EXOC4: variants seen among roughly 807,000 people sequenced by gnomAD.
EXOC4 encodes the protein exocyst complex component 4, also known as SEC8-like 1.
In EXOC4, 71 loss-of-function variants were observed where a neutral mutation model predicts 107.2. The ratio of observed to expected loss-of-function variants is 0.66; its 90% confidence interval spans 0.55 to 0.81. The LOEUF (loss-of-function observed/expected upper bound fraction) is 0.81, where lower values mean the gene tolerates loss of function less well. Ranked by LOEUF, EXOC4 falls within the 30% of genes least tolerant of loss-of-function variation. The probability of loss-of-function intolerance (pLI) is 0.00; values close to 1 mark genes in which losing one functional copy is unlikely to be tolerated. For missense variants in EXOC4, 1,108 were observed against 1,189.6 expected, an observed-to-expected ratio of 0.93 and a Z score of 1.01; for synonymous variants, 456 against 441.2, an observed-to-expected ratio of 1.03 and a Z score of -0.42.
chr7:133,419,116 G>A (rs1476941342), intron 7 of EXOC4, among the ~76,000 whole-genome samples: 2 of 152,184 alleles, frequency 1.3e-5, no homozygotes, highest in Admixed American at 1.3e-4. Context: ...GGCTGGGTGT[G>A]TAGGCAGAAT....
chr7:133,640,353 A>G (rs553800568), intron 10 of EXOC4, among the ~76,000 whole-genome samples: 3 of 152,242 alleles, frequency 2.0e-5, no homozygotes, highest in African/African-American at 4.8e-5. Flanking sequence ...TTGGTCATCC[A>G]TAGACTAACA....
chr7:133,973,615 A>AT (rs1389867897), intron 14 of EXOC4, among the ~76,000 whole-genome samples: 1 of 152,218 alleles, frequency 6.6e-6, no homozygotes, highest in East Asian at 1.9e-4. Flanking sequence ...CTATTGAAAG[A>AT]TTTTAGACTA....
chr7:133,491,625 C>T (rs1799372646), intron 9 of EXOC4, among the ~76,000 whole-genome samples: 1 of 152,016 alleles, frequency 6.6e-6, no homozygotes, highest in East Asian at 1.9e-4. Flanking sequence ...CATTTCTAGG[C>T]CAACTATATT....
intron 7 of EXOC4, among the ~76,000 whole-genome samples, chr7:133,456,768 C>G (rs1319635629): frequency 2.0e-5 from 3 of 152,158 alleles, no homozygotes; most frequent in African/African-American, 7.2e-5. Flanking sequence ...CTCCACAGAT[C>G]ACCTAGGTGA....
At chr7:133,818,074 T>TA (rs1174001609) in intron 11 of EXOC4, among the ~76,000 whole-genome samples, 3 of 152,078 alleles carry the variant, frequency 2.0e-5, no homozygotes, top group Non-Finnish European at 4.4e-5. Flanking sequence ...TTACTTTATA[T>TA]AAAAAAATGG....
chr7:133,609,320 T>A (rs2150995071), intron 9 of EXOC4, among the ~76,000 whole-genome samples: 1 of 152,364 alleles, frequency 6.6e-6, no homozygotes, highest in Admixed American at 6.5e-5. Flanking sequence ...AACTTGTAGC[T>A]GTTCCAGGTC....
intron 9 of EXOC4, among the ~76,000 whole-genome samples, chr7:133,588,558 C>T (rs1251376093): frequency 6.6e-6 from 1 of 151,930 alleles, no homozygotes; most frequent in African/African-American, 2.4e-5. Flanking sequence ...ACTTTTTGGC[C>T]TTCTTTTCAG....
chr7:133,532,413 T>C, intron 9 of EXOC4, among the ~76,000 whole-genome samples: 1 of 152,134 alleles, frequency 6.6e-6, no homozygotes, highest in East Asian at 1.9e-4. Flanking sequence ...ACTCTCCCAC[T>C]GTAAACAGGA....
At chr7:133,409,993 A>G (rs1223851008) in intron 7 of EXOC4, among the ~76,000 whole-genome samples, 2 of 152,192 alleles carry the variant, frequency 1.3e-5, no homozygotes, top group Non-Finnish European at 2.9e-5. Flanking sequence ...TGATTTTACC[A>G]ATAAAGATTA....
At chr7:134,088,008 G>T in the EXOC4 span, among the ~76,000 whole-genome samples, 1 of 152,188 alleles carries the variant, frequency 6.6e-6, no homozygotes, top group Admixed American at 6.5e-5. Context: ...CCATGGGTTT[G>T]TACCCTCAAA....
At chr7:133,902,749 G>A (rs2116561956) in intron 12 of EXOC4, among the ~76,000 whole-genome samples, 1 of 152,192 alleles carries the variant, frequency 6.6e-6, no homozygotes, top group Non-Finnish European at 1.5e-5. Context: ...CAACTACTCA[G>A]GAGGCTGAGG....
At chr7:134,055,868 G>A (rs1795908756) in intron 17 of EXOC4, among the ~76,000 whole-genome samples, 1 of 152,102 alleles carries the variant, frequency 6.6e-6, no homozygotes, top group Non-Finnish European at 1.5e-5. Context: ...TTGAAGCCAA[G>A]GACTATACCT....
chr7:133,999,781 A>T (rs1794489572), intron 15 of EXOC4, among the ~76,000 whole-genome samples: 1 of 152,200 alleles, frequency 6.6e-6, no homozygotes. Flanking sequence ...ACTTATGTGT[A>T]GTTAATTCCA....
chr7:133,345,637 AT>A (rs1347713541), intron 5 of EXOC4, among the ~76,000 whole-genome samples: 3 of 151,984 alleles, frequency 2.0e-5, no homozygotes, highest in Non-Finnish European at 4.4e-5. Context: ...TTGTTTATTT[AT>A]TTATTTTCCT....
At position 133,480,088 on chromosome 7, in the gene EXOC4, A is replaced by G; in HGVS notation, c.1367A>G (p.Tyr456Cys). The change falls in exon 9 of 18, where the codon TAT becomes TGT. Residue 456 changes from tyrosine to cysteine, a missense_variant. Coordinates refer to ENST00000253861, the MANE Select transcript of EXOC4 (RefSeq NM_021807.4). ...SSSHAISMSAYLREQRRELYS... is the reference protein window; with the variant it reads ...SSSHAISMSACLREQRRELYS... Reference sequence around the variant, plus strand: ...TCCCATGCCATCAGTATGAGCGCCTATCTGCGAGAACAGAGAAGGGAGCTC... The same window carrying G: ...TCCCATGCCATCAGTATGAGCGCCTGTCTGCGAGAACAGAGAAGGGAGCTC... 1 of 1,614,050 alleles carries G rather than the reference A, an allele frequency of 6.2e-7. No homozygotes were observed. Among genetic ancestry groups the G allele is most frequent in the Non-Finnish European group, 8.5e-7 (1 of 1,179,912 alleles).
At chr7:133,593,974 G>A (rs1265123386) in intron 9 of EXOC4, among the ~76,000 whole-genome samples, 1 of 152,180 alleles carries the variant, frequency 6.6e-6, no homozygotes, top group African/African-American at 2.4e-5. Context: ...AAAAATGCCT[G>A]TGCCTAGCTG....
At chr7:133,326,370 G>A (rs780830556) in intron 5 of EXOC4, among the ~76,000 whole-genome samples, 9 of 152,126 alleles carry the variant, frequency 5.9e-5, no homozygotes, top group African/African-American at 2.2e-4. Context: ...TGATGGTGAC[G>A]TACAGATGGG....
intron 17 of EXOC4, among the ~76,000 whole-genome samples, chr7:134,056,652 A>G (rs1795931922): frequency 6.6e-6 from 1 of 152,230 alleles, no homozygotes; most frequent in Admixed American, 6.5e-5. Flanking sequence ...ATCTTCCTCC[A>G]GCCCTTTTGT....
intron 9 of EXOC4, among the ~76,000 whole-genome samples, chr7:133,593,082 T>C (rs1801587992): frequency 6.6e-6 from 1 of 152,212 alleles, no homozygotes; most frequent in Non-Finnish European, 1.5e-5. Context: ...ACTTTCAAAA[T>C]TAGGCAAGTC....
Sources: allele counts gnomAD v4.1 joint callset (sites outside exome capture counted in the v4.1 genomes callset), GRCh38; gene constraint gnomAD v4.1.1; transcripts MANE v1.5; gene names NCBI Gene and HGNC (gene_info 2026-07-23, HGNC 2026-07-21).